The following WDR25 variants were observed in gnomAD, a reference collection of about 807,000 sequenced individuals.
WDR25 encodes WD repeat-containing protein 25.
Under a neutral mutation model 47.7 loss-of-function variants are expected in WDR25, and 35 were observed. The ratio of observed to expected loss-of-function variants is 0.73; its 90% CI spans 0.56 to 0.97. The LOEUF is 0.97. Among genes scored for constraint, WDR25 ranks in the 50% least tolerant of loss-of-function variants. The pLI, the probability that WDR25 is intolerant of heterozygous loss-of-function variation, is 0.00. For missense variants in WDR25, 634 were observed against 704.7 expected, an observed-to-expected ratio of 0.90 and a Z score of 1.14; for synonymous variants, 248 against 278.9, an observed-to-expected ratio of 0.89 and a Z score of 1.10.
intron 4 of WDR25, among the ~76,000 whole-genome samples, chr14:100,491,060 G>C (rs923340808): frequency 6.6e-6 from 1 of 152,200 alleles, no homozygotes; most frequent in African/African-American, 2.4e-5. Context: ...CTGGGGACGT[G>C]GTGGAGCCCC....
At chr14:100,443,562 G>T (rs1386542172) in intron 2 of WDR25, among the ~76,000 whole-genome samples, 1 of 152,164 alleles carries the variant, frequency 6.6e-6, no homozygotes, top group Admixed American at 6.5e-5. Flanking sequence ...GATTTTGGGG[G>T]ATAAATATCA....
At chr14:100,475,885 A>T (rs944535354) in intron 3 of WDR25, among the ~76,000 whole-genome samples, 6 of 150,576 alleles carry the variant, frequency 4.0e-5, no homozygotes, top group Non-Finnish European at 8.9e-5. Context: ...TGTACCCCCA[A>T]ATATATATAT....
chr14:100,442,828 C>T (rs985367758), intron 2 of WDR25, among the ~76,000 whole-genome samples: 1 of 152,194 alleles, frequency 6.6e-6, no homozygotes, highest in African/African-American at 2.4e-5. Flanking sequence ...CTAATAGAAG[C>T]ATAAATGGAG....
intron 4 of WDR25, among the ~76,000 whole-genome samples, chr14:100,524,270 G>C (rs938038091): frequency 6.6e-6 from 1 of 151,990 alleles, no homozygotes; most frequent in Admixed American, 6.6e-5. Flanking sequence ...TACCTATGGG[G>C]CTCTTGTCAT....
chr14:100,483,178 C>T (rs902293529), intron 3 of WDR25, among the ~76,000 whole-genome samples: 1 of 152,136 alleles, frequency 6.6e-6, no homozygotes, highest in African/African-American at 2.4e-5. Context: ...GGAAGGAGGA[C>T]CAGCTTTGAC....
intron 2 of WDR25, among the ~76,000 whole-genome samples, chr14:100,420,400 A>G (rs1159645067): frequency 1.3e-5 from 2 of 152,146 alleles, no homozygotes; most frequent in Non-Finnish European, 2.9e-5. Flanking sequence ...TACAGCCTTC[A>G]GGATAGTCAT....
At chr14:100,508,795 G>A (rs760625649) in intron 4 of WDR25, among the ~76,000 whole-genome samples, 1 of 152,002 alleles carries the variant, frequency 6.6e-6, no homozygotes, top group Non-Finnish European at 1.5e-5. Context: ...ATTCTTAGTT[G>A]TATGAATTTT....
chr14:100,469,072 G>A (rs1899741629), intron 3 of WDR25, among the ~76,000 whole-genome samples: 1 of 152,136 alleles, frequency 6.6e-6, no homozygotes, highest in South Asian at 2.1e-4. Flanking sequence ...AGGAGCCCAG[G>A]GAGAGGCCAG....
intron 2 of WDR25, among the ~76,000 whole-genome samples, chr14:100,451,764 A>G (rs955354806): frequency 6.6e-6 from 1 of 152,222 alleles, no homozygotes; most frequent in African/African-American, 2.4e-5. Flanking sequence ...GTCCAACTGG[A>G]TGACCTATGG....
chr14:100,403,288 G>A (rs779482037), intron 2 of WDR25, among the ~76,000 whole-genome samples: 5 of 152,216 alleles, frequency 3.3e-5, no homozygotes, highest in Admixed American at 6.5e-5. Context: ...CAGCCTTGCC[G>A]TGGGAAGCAA....
rs1012930685 is a variant in WDR25, at chr14:100,381,540, C to T, written c.616C>T (p.Arg206Cys). 1.2e-5 allele frequency: 19 copies of T among 1,614,000 alleles called. No individual in the cohort carries two copies. Among genetic ancestry groups the T allele is most frequent in the Non-Finnish European group, 1.5e-5 (18 of 1,179,970 alleles). The change falls in exon 2 of 7, where the codon CGT (arginine) becomes TGT (cysteine). Residue 206 changes from arginine (R) to cysteine (C), a missense_variant. By Grantham distance (180) the Arg-to-Cys change is radical. Transcript: ENST00000402312. ...DVEPQGPPAG[R>C]APAPLYVGPG... Reference sequence around the variant, plus strand: ...GGAGCCACAGGGGCCCCCTGCAGGGCGTGCCCCAGCCCCTCTCTACGTGGG... The same window carrying T: ...GGAGCCACAGGGGCCCCCTGCAGGGTGTGCCCCAGCCCCTCTCTACGTGGG...
At chr14:100,464,286 C>T (rs1345577702) in intron 2 of WDR25, among the ~76,000 whole-genome samples, 1 of 152,178 alleles carries the variant, frequency 6.6e-6, no homozygotes, top group Non-Finnish European at 1.5e-5. Flanking sequence ...TCCAAAGTCA[C>T]CTCCTCAGAG....
chr14:100,451,747 T>C (rs1369308492), intron 2 of WDR25, among the ~76,000 whole-genome samples: 1 of 151,616 alleles, frequency 6.6e-6, no homozygotes, highest in African/African-American at 2.4e-5. Flanking sequence ...GATAAAGAGG[T>C]CATACAGTCC....
rs1324473056 is a variant in WDR25 at position 100,525,986 on chromosome 14, C to T, written c.1218C>T (p.Thr406=). Residue 406 remains threonine (T), a synonymous_variant, in exon 5 of 7, where the codon ACC becomes ACT. Transcript: ENST00000402312. The surrounding 1 kb of genome is among the most constrained non-coding windows in gnomAD (Gnocchi z 4.6). ...DASTRDSADR[T]IIAWDFRTSA... ...CCACCCGGGACTCAGCTGACCGCAC[C>T]ATTATTGCCTGGGATTTCCGGACCT... 1.1e-5 allele frequency: 18 copies of T among 1,613,980 alleles called. No individual in the cohort carries two copies. The highest frequency in any genetic ancestry group is 1.4e-5 in the Non-Finnish European group (17 of 1,179,984).
chr14:100,382,070 C>A (rs963841390), intron 2 of WDR25: 1 of 702,948 alleles, frequency 1.4e-6, no homozygotes, highest in South Asian at 1.5e-5. Flanking sequence ...GGACTGGGGA[C>A]ATCCTCGGTG....
intron 2 of WDR25, among the ~76,000 whole-genome samples, chr14:100,447,729 T>C (rs1434368980): frequency 6.6e-6 from 1 of 152,140 alleles, no homozygotes; most frequent in Non-Finnish European, 1.5e-5. Context: ...GAGATTGAGG[T>C]AATGTATTTC....
At position 100,499,253 on chromosome 14, in the gene WDR25, A is replaced by G. The variant is rs1357631014; in HGVS notation, c.1101+15129A>G. Among the ~76,000 whole-genome samples the G allele has an allele frequency of 6.6e-6, 1 of 152,244 alleles. No individual in the cohort carries two copies. Among genetic ancestry groups the G allele is most frequent in the Non-Finnish European group, 1.5e-5 (1 of 68,044 alleles). On this transcript the variant is annotated intron_variant, in intron 4 of 6. Coordinates refer to ENST00000402312, the MANE Select transcript of WDR25 (RefSeq NM_001161476.3). The surrounding 1 kb of genome is among the most constrained non-coding windows in gnomAD (Gnocchi z 4.4). Reference sequence around the variant, plus strand: ...TATAATTGTCTTTCAGCTTATTATAATATCATTAGAATTTCCCATATTGTT... The same window carrying G: ...TATAATTGTCTTTCAGCTTATTATAGTATCATTAGAATTTCCCATATTGTT...
At chr14:100,462,405 A>G (rs964672420) in intron 2 of WDR25, among the ~76,000 whole-genome samples, 2 of 152,208 alleles carry the variant, frequency 1.3e-5, no homozygotes, top group African/African-American at 2.4e-5. Context: ...GTCTGCTGCA[A>G]TGTTGGGGAA....
chr14:100,381,670 T>G lies in WDR25; in HGVS notation c.746T>G (p.Val249Gly). 3.7e-6 allele frequency: 6 copies of G among 1,614,194 alleles called. No individual in the cohort carries two copies. In the South Asian group the frequency reaches 6.6e-5, roughly 18 times the overall value. The change falls in exon 2 of 7, where the codon GTC becomes GGC. Residue 249 changes from valine to glycine, a missense_variant. Coordinates refer to ENST00000402312, the MANE Select transcript of WDR25 (RefSeq NM_001161476.3). ...LFHLRGHRGP[V>G]NTIQWCPVLS... Reference sequence around the variant, plus strand: ...CACCTGAGAGGCCACAGGGGCCCTGTCAACACCATTCAGTGGTGTCCAGTC... The same window carrying G: ...CACCTGAGAGGCCACAGGGGCCCTGGCAACACCATTCAGTGGTGTCCAGTC...
Sources: gnomAD v4.1 joint callset for allele counts (sites outside exome capture counted in the v4.1 genomes callset) on GRCh38, gnomAD v4.1.1 for gene constraint, Gnocchi (gnomAD v3.1) non-coding constraint, MANE v1.5 for transcripts, NCBI Gene and HGNC (gene_info 2026-07-23, HGNC 2026-07-21) for gene names.